The following CSMD2 variants were observed in gnomAD, a reference collection of about 807,000 sequenced individuals.
The protein encoded by CSMD2 is CUB and sushi domain-containing protein 2.
A neutral mutation model predicts 398.5 loss-of-function variants in CSMD2; 130 were observed. The observed-to-expected ratio is 0.33, with a 90% CI of 0.28 to 0.38. CSMD2 has a LOEUF of 0.38. Among genes scored for constraint, CSMD2 ranks in the 10% least tolerant of loss-of-function variants. CSMD2 has a pLI of 1.00. For synonymous variants in CSMD2, 1,828 were observed against 1,908.5 expected, an observed-to-expected ratio of 0.96 and a Z score of 1.10; for missense variants, 3,829 against 4,764.9, an observed-to-expected ratio of 0.80 and a Z score of 5.78.
chr1:34,104,746 T>G (rs1168833479), intron 1 of CSMD2, among the ~76,000 whole-genome samples: 1 of 152,182 alleles, frequency 6.6e-6, no homozygotes, highest in Admixed American at 6.5e-5. Flanking sequence ...AGGGGCACCT[T>G]GTCCGCTGAT....
chr1:33,955,552 C>G (rs1047065372), intron 3 of CSMD2, among the ~76,000 whole-genome samples: 2 of 152,126 alleles, frequency 1.3e-5, no homozygotes, highest in Non-Finnish European at 2.9e-5. Context: ...CTTTTACTCC[C>G]GCTTACTCAT....
intron 44 of CSMD2, among the ~76,000 whole-genome samples, chr1:33,592,948 CAAA>C (rs35494833): frequency 3.1e-3 from 390 of 126,810 alleles, no homozygotes; most frequent in African/African-American, 0.012. Context: ...GACTCTGTCT[CAAA>C]AAAAAAAAAA....
intron 10 of CSMD2, among the ~76,000 whole-genome samples, chr1:33,800,818 AAGGAATG>A (rs1227760718): frequency 6.6e-6 from 1 of 152,146 alleles, no homozygotes; most frequent in Non-Finnish European, 1.5e-5. Flanking sequence ...GTAAAAGGGA[AAGGAATG>A]AGGCTTTGGA....
rs576682420 is a variant in CSMD2 at position 33,698,740 on chromosome 1, A to G, written c.3925+13T>C. On this transcript the variant is annotated intron_variant, in intron 24 of 70. Coordinates refer to ENST00000373381, the MANE Select transcript of CSMD2 (RefSeq NM_001281956.2). ...AGACCCAAGGGTTCCCTGCAGAGGAAGAGCCCTCCTACCGACACAGGTGGG... is the reference window on the plus strand; with the variant it reads ...AGACCCAAGGGTTCCCTGCAGAGGAGGAGCCCTCCTACCGACACAGGTGGG... 5 of 1,605,200 alleles carry G rather than the reference A, an allele frequency of 3.1e-6. No homozygotes were observed. The South Asian group carries it at 5.6e-5, about 18-fold the overall frequency.
At chr1:34,116,635 G>C (rs1485376079) in intron 1 of CSMD2, among the ~76,000 whole-genome samples, 1 of 151,968 alleles carries the variant, frequency 6.6e-6, no homozygotes, top group Admixed American at 6.6e-5. Context: ...CAAGACTATA[G>C]ACCAATTGGA....
At chr1:33,558,379 T>G (rs1447804340) in intron 54 of CSMD2, among the ~76,000 whole-genome samples, 1 of 152,188 alleles carries the variant, frequency 6.6e-6, no homozygotes, top group African/African-American at 2.4e-5. Flanking sequence ...CTTTTATGAG[T>G]ATTTCAGGGA....
chr1:33,758,484 A>G (rs985231837), intron 13 of CSMD2, among the ~76,000 whole-genome samples: 1 of 152,232 alleles, frequency 6.6e-6, no homozygotes, highest in Non-Finnish European at 1.5e-5. Flanking sequence ...ACTACTAATA[A>G]TAATTGTAAC....
chr1:34,092,093 T>C (rs1658636928), intron 1 of CSMD2, among the ~76,000 whole-genome samples: 1 of 151,966 alleles, frequency 6.6e-6, no homozygotes, highest in African/African-American at 2.4e-5. Flanking sequence ...CAGATAAAAA[T>C]ATAAAGAAAA....
chr1:33,792,363 C>T, intron 11 of CSMD2, 60 bp downstream of exon 11: 2 of 1,252,410 alleles, frequency 1.6e-6, no homozygotes, highest in Non-Finnish European at 2.4e-6. Context: ...TCCACAAACC[C>T]CACCCCACCA....
intron 1 of CSMD2, among the ~76,000 whole-genome samples, chr1:34,120,613 C>T (rs753264072): frequency 3.3e-5 from 5 of 152,150 alleles, no homozygotes; most frequent in African/African-American, 7.2e-5. Context: ...GGCGCAATCT[C>T]GGCTCACTGC....
chr1:33,519,955 A>G lies in CSMD2; in HGVS notation c.10598-5T>C. 6.2e-7 allele frequency: 1 copy of G among 1,613,994 alleles called. No individual in the cohort carries two copies. Among genetic ancestry groups the G allele is most frequent in the South Asian group, 1.1e-5 (1 of 91,078 alleles). ...CTGACTCCAGCAGCCTGAGGTCTGT[A>G]AAGTCCCAAAGCAGAAAAGTCAAGT... On this transcript the variant is annotated splice_region_variant and splice_polypyrimidine_tract_variant and intron_variant, in intron 68 of 70. Transcript: ENST00000373381. This position sits in a 1 kb window ranked among gnomAD's most constrained non-coding sequence, Gnocchi z 5.6.
intron 3 of CSMD2, among the ~76,000 whole-genome samples, chr1:33,964,547 A>C (rs1401371004): frequency 1.3e-5 from 2 of 152,164 alleles, no homozygotes; most frequent in African/African-American, 2.4e-5. Flanking sequence ...CAGGTTTCTG[A>C]CTTGTTTTGA....
chr1:34,040,809 G>C (rs1651761780), intron 2 of CSMD2, among the ~76,000 whole-genome samples: 2 of 152,126 alleles, frequency 1.3e-5, no homozygotes, highest in East Asian at 1.9e-4. Context: ...AAAATAAAAG[G>C]GTGGGAGCTT....
intron 1 of CSMD2, among the ~76,000 whole-genome samples, chr1:34,152,693 C>T (rs1157792333): frequency 6.6e-6 from 1 of 152,158 alleles, no homozygotes; most frequent in African/African-American, 2.4e-5. Context: ...AAGAGTTGTC[C>T]CTCTTCTTTT....
intron 55 of CSMD2, among the ~76,000 whole-genome samples, 196 bp from the exon 56 acceptor site, chr1:33,550,546 A>G (rs1657348746): frequency 6.6e-6 from 1 of 152,242 alleles, no homozygotes; most frequent in Non-Finnish European, 1.5e-5. Flanking sequence ...TTCCATATCT[A>G]TGAAATGAGG....
At chr1:33,670,171 C>G (rs1441640746) in intron 25 of CSMD2, among the ~76,000 whole-genome samples, 1 of 152,226 alleles carries the variant, frequency 6.6e-6, no homozygotes, top group Admixed American at 6.5e-5. Flanking sequence ...CCCATCCCCT[C>G]AGTCTAGTGA....
chr1:34,110,182 A>G (rs1238191644), intron 1 of CSMD2, among the ~76,000 whole-genome samples: 1 of 152,070 alleles, frequency 6.6e-6, no homozygotes, highest in East Asian at 1.9e-4. Flanking sequence ...ACTATTAAAA[A>G]GTAAAAAAAT....
chr1:33,922,002 A>G (rs972877767), intron 4 of CSMD2, among the ~76,000 whole-genome samples: 1 of 152,146 alleles, frequency 6.6e-6, no homozygotes, highest in Admixed American at 6.5e-5. Context: ...TGGAGGAATG[A>G]GAGGGTGAAG....
rs1646814804 is a variant in CSMD2, at chr1:33,999,042, CT to C, written c.517+33551del. 3.9e-5 allele frequency among the ~76,000 whole-genome samples: 6 copies of C among 152,192 alleles called. No individual in the cohort carries two copies. In the South Asian group the frequency reaches 1.2e-3, roughly 32 times the overall value. On this transcript the variant is annotated intron_variant, in intron 3 of 70. Coordinates refer to ENST00000373381, the MANE Select transcript of CSMD2 (RefSeq NM_001281956.2). ...TCCTCCCCAGGTATGGCCAGCCTCTCTGATGCCTCCTTCTGGTTTGAGTGGC... is the reference window on the plus strand; with the variant it reads ...TCCTCCCCAGGTATGGCCAGCCTCTCGATGCCTCCTTCTGGTTTGAGTGGC...
Sources: allele counts gnomAD v4.1 joint callset (sites outside exome capture counted in the v4.1 genomes callset), GRCh38; gene constraint gnomAD v4.1.1; non-coding constraint Gnocchi (gnomAD v3.1); transcripts MANE v1.5; gene names NCBI Gene and HGNC (gene_info 2026-07-23, HGNC 2026-07-21).